The following RPS8 variants were observed in gnomAD, a reference collection of about 807,000 sequenced individuals.
RPS8 encodes the protein ribosomal protein S8, also known as small ribosomal subunit protein eS8.
For synonymous variants in RPS8, 100 were observed against 100.7 expected (o/e 0.99, Z 0.04); for missense variants, 141 against 269.7 (o/e 0.52, Z 3.34).
In RPS8 at chr1:44,778,186, A is replaced by C. The variant is rs150427317; in HGVS notation, c.517+57A>C. 9.2e-3 allele frequency: 14,642 copies of C among 1,586,674 alleles called. 88 individuals are homozygous for C. Among genetic ancestry groups the C allele is most frequent in the Non-Finnish European group, 0.01 (11,877 of 1,166,164 alleles). On this transcript the variant is annotated intron_variant, in intron 5 of 5. Coordinates refer to ENST00000396651, the MANE Select transcript of RPS8 (RefSeq NM_001012.2). ...TCGCAGAGATTGAGTGTGCCGAGGCACTTTTCCCTTGTCTCAGTTCCTTTG... is the reference window on the plus strand; with the variant it reads ...TCGCAGAGATTGAGTGTGCCGAGGCCCTTTTCCCTTGTCTCAGTTCCTTTG...
At position 44,778,064 on chromosome 1, in the gene RPS8, A is replaced by T; in HGVS notation, c.452A>T (p.Glu151Val). The change falls in exon 5 of 6, where the codon GAA becomes GTA. Residue 151 changes from glutamate (E) to valine (V), a missense_variant. By Grantham distance (121) the Glu-to-Val change is moderately radical. Transcript: ENST00000396651. ...AAAAAAATTCAGAAGAAATATGATG[A>T]AAGGAAAAAGAATGCCAAAATCAGC... Reference protein sequence around the residue: ...RSKKIQKKYDERKKNAKISSL... With the variant: ...RSKKIQKKYDVRKKNAKISSL... The T allele has an allele frequency of 6.2e-7, 1 of 1,611,714 alleles. No individual in the cohort carries two copies. Among genetic ancestry groups the T allele is most frequent in the East Asian group, 2.2e-5 (1 of 44,870 alleles).
intron 5 of RPS8, 100 bp from the exon 6 acceptor site, chr1:44,778,476 G>A (rs1179310511): frequency 4.2e-6 from 4 of 955,216 alleles, no homozygotes; most frequent in Non-Finnish European, 6.9e-6. Context: ...CTTCATGCTT[G>A]CCCCCAGGGT....
At chr1:44,778,386 G>C (rs919462844) in intron 5 of RPS8, 190 bp from the exon 6 acceptor site, 1 of 801,992 alleles carries the variant, frequency 1.2e-6, no homozygotes, top group Admixed American at 1.7e-5. Flanking sequence ...GGCTGAGGGG[G>C]CTGTCTCAGT....
rs554472290 is a variant in RPS8, at chr1:44,776,314, G to A, written c.111+174G>A. On this transcript the variant is annotated intron_variant, in intron 2 of 5. Transcript: ENST00000396651. ...GTTGGATAAGTAAGTACCAAAGAGG[G>A]AATGCTCCCTCAGGCCCCCAAACCT... Among the ~76,000 whole-genome samples, 10 of 152,314 alleles carry A rather than the reference G, an allele frequency of 6.6e-5. No individual in the cohort carries two copies. The South Asian group carries it at 1.9e-3, about 28-fold the overall frequency.
In RPS8 at chr1:44,775,580, C is replaced by G. The variant is rs1270192691; in HGVS notation, c.-17C>G. On this transcript the variant is annotated 5_prime_UTR_variant, in exon 1 of 6. Coordinates refer to ENST00000396651, the MANE Select transcript of RPS8 (RefSeq NM_001012.2). Reference sequence around the variant, plus strand: ...CCGTGAATCTTTGCGGTTTCTCTTTCCAGCCAGCGCCGAGCGATGGGTGAG... The same window carrying G: ...CCGTGAATCTTTGCGGTTTCTCTTTGCAGCCAGCGCCGAGCGATGGGTGAG... 6.2e-7 allele frequency: 1 copy of G among 1,614,128 alleles called. No individual in the cohort carries two copies. Among genetic ancestry groups the G allele is most frequent in the Non-Finnish European group, 8.5e-7 (1 of 1,179,970 alleles).
At chr1:44,775,837 C>T (rs1398134636) in intron 1 of RPS8, 197 bp from the exon 2 acceptor site, 1 of 782,292 alleles carries the variant, frequency 1.3e-6, no homozygotes, top group East Asian at 2.5e-5. Flanking sequence ...ATGGCTGCCG[C>T]GAGGAGGAGG....
At chr1:44,776,873 G>A (rs1573590362) in intron 3 of RPS8, 99 bp downstream of exon 3, 4 of 862,090 alleles carry the variant, frequency 4.6e-6, no homozygotes, top group East Asian at 2.7e-5. Context: ...TATAAGCCCA[G>A]CACGTTGGGA....
chr1:44,777,376 T>A, intron 3 of RPS8: 1 of 521,094 alleles, frequency 1.9e-6, no homozygotes, highest in South Asian at 2.2e-5. Flanking sequence ...CGACCTGCTC[T>A]GATCTTTCTG....
At chr1:44,775,802 G>T in intron 1 of RPS8, 1 of 828,968 alleles carries the variant, frequency 1.2e-6, no homozygotes, top group Non-Finnish European at 2.0e-6. Context: ...CGGGCCGCGG[G>T]CTGCGGGCTC....
Position 44,776,043 on chromosome 1 carries a change from G to T in RPS8, c.14G>T (p.Arg5Leu). 1 of 1,612,500 alleles carries T rather than the reference G, an allele frequency of 6.2e-7. No homozygotes were observed. The highest frequency in any genetic ancestry group is 8.5e-7 in the Non-Finnish European group (1 of 1,179,522). ...CCGCTTCCACATGCAGGCATCTCTCGGGACAACTGGCACAAGCGCCGCAAA... is the reference window on the plus strand; with the variant it reads ...CCGCTTCCACATGCAGGCATCTCTCTGGACAACTGGCACAAGCGCCGCAAA... MGIS[R>L]DNWHKRRKTG... The change falls in exon 2 of 6, where the codon CGG becomes CTG. Residue 5 changes from arginine (R) to leucine (L), a missense_variant. By Grantham distance (102) the Arg-to-Leu change is moderately radical (BLOSUM62 -2). Transcript: ENST00000396651.
chr1:44,777,938 C>G (rs771592743), intron 4 of RPS8, 62 bp from the exon 5 acceptor site: 4 of 1,608,376 alleles, frequency 2.5e-6, no homozygotes, highest in Non-Finnish European at 3.4e-6. Context: ...GTGCAGGGTT[C>G]GAGAAAGCTC....
chr1:44,775,721 G>A (rs1267543984), intron 1 of RPS8, 121 bp downstream of exon 1: 5 of 1,340,670 alleles, frequency 3.7e-6, no homozygotes, highest in South Asian at 1.2e-5. Flanking sequence ...CAGCCACGAG[G>A]AGTGGTGGCC....
chr1:44,776,046 A>G lies in RPS8; in HGVS notation c.17A>G (p.Asp6Gly). 6.2e-7 allele frequency: 1 copy of G among 1,612,180 alleles called. No individual in the cohort carries two copies. The highest frequency in any genetic ancestry group is 8.5e-7 in the Non-Finnish European group (1 of 1,179,464). ...CTTCCACATGCAGGCATCTCTCGGG[A>G]CAACTGGCACAAGCGCCGCAAAACC... Reference protein sequence around the residue: MGISRDNWHKRRKTGG... With the variant: MGISRGNWHKRRKTGG... Residue 6 changes from aspartate to glycine, a missense_variant, in exon 2 of 6, where the codon GAC becomes GGC. Transcript: ENST00000396651.
At chr1:44,775,795 G>T (rs1003081053) in intron 1 of RPS8, 195 bp downstream of exon 1, 6 of 850,774 alleles carry the variant, frequency 7.1e-6, no homozygotes, top group Non-Finnish European at 7.6e-6. Context: ...CGGGTTCCGG[G>T]CCGCGGGCTG....
intron 1 of RPS8, 105 bp downstream of exon 1, chr1:44,775,705 C>A: frequency 6.9e-7 from 1 of 1,444,372 alleles, no homozygotes; most frequent in Non-Finnish European, 9.7e-7. Context: ...GACCCCCGGC[C>A]AGGGACAGCC....
In RPS8 at chr1:44,778,704, C is replaced by G. The variant is rs200072783; in HGVS notation, c.*19C>G. The G allele has an allele frequency of 5.3e-4, 790 of 1,504,216 alleles. No homozygotes were observed. The highest frequency in any genetic ancestry group is 6.8e-4 in the Non-Finnish European group (742 of 1,089,718). 93.2% of individuals were successfully genotyped at this position (1,504,216 alleles called of 1,614,324 possible). On this transcript the variant is annotated 3_prime_UTR_variant, in exon 6 of 6. Transcript: ENST00000396651. ...CAAATAAATCCTTGTTTTGTCTTCA[C>G]CCATGTAATAAAGGTGTTTATTGTT...
chr1:44,778,291 A>G (rs1650931396), intron 5 of RPS8, 162 bp downstream of exon 5: 10 of 939,290 alleles, frequency 1.1e-5, no homozygotes, highest in Admixed American at 1.7e-5. Flanking sequence ...CCCTATTCGT[A>G]TGAAGCTGAA....
intron 4 of RPS8, 47 bp downstream of exon 4, chr1:44,777,836 C>A (rs1428128481): frequency 2.5e-6 from 4 of 1,598,724 alleles, no homozygotes; most frequent in Non-Finnish European, 3.4e-6. Flanking sequence ...CAGCCTGACT[C>A]CAGCCTTCTC....
At chr1:44,776,243 C>CT (rs1268765129) in intron 2 of RPS8, 103 bp downstream of exon 2, 5 of 810,488 alleles carry the variant, frequency 6.2e-6, no homozygotes, top group African/African-American at 5.2e-5. Context: ...TTCTTGGGCT[C>CT]TGATTTCTCT....
Sources: gnomAD v4.1 joint callset for allele counts (sites outside exome capture counted in the v4.1 genomes callset) on GRCh38, gnomAD v4.1.1 for gene constraint, MANE v1.5 for transcripts, NCBI Gene and HGNC (gene_info 2026-07-23, HGNC 2026-07-21) for gene names.